Variants in RSF1 observed in about 807,000 individuals in gnomAD.
RSF1 encodes the protein remodeling and spacing factor 1, also known as HBV pX-associated protein 8.
Under a neutral mutation model 145.2 loss-of-function variants are expected in RSF1, and 13 were observed. The ratio of observed to expected loss-of-function variants is 0.09; its 90% confidence interval spans 0.06 to 0.14. The LOEUF (loss-of-function observed/expected upper bound fraction) is 0.14. Ranked by LOEUF, RSF1 falls within the 10% of genes least tolerant of loss-of-function variation. RSF1 has a pLI of 1.00. For synonymous variants in RSF1, 577 were observed against 592.6 expected, an observed-to-expected ratio of 0.97 and a Z score of 0.38; for missense variants, 1,517 against 1,718.2, an observed-to-expected ratio of 0.88 and a Z score of 2.07.
chr11:77,732,112 C>G (rs1382693571), intron 4 of RSF1, among the ~76,000 whole-genome samples: 1 of 152,222 alleles, frequency 6.6e-6, no homozygotes, highest in East Asian at 1.9e-4. Flanking sequence ...CGCAGCTGCC[C>G]AAGACCATGG....
the RSF1 span, among the ~76,000 whole-genome samples, chr11:77,835,105 A>G: frequency 6.6e-6 from 1 of 152,236 alleles, no homozygotes; most frequent in African/African-American, 2.4e-5. Flanking sequence ...ATTGCCTCTT[A>G]GAACAGATAG....
chr11:77,717,355 G>A (rs1271267933), intron 5 of RSF1, among the ~76,000 whole-genome samples: 4 of 152,106 alleles, frequency 2.6e-5, no homozygotes, highest in African/African-American at 7.2e-5. Context: ...GTGGTTCCTG[G>A]ACCCTCTCAA....
At chr11:77,847,877 C>T in the RSF1 span, among the ~76,000 whole-genome samples, 4 of 152,130 alleles carry the variant, frequency 2.6e-5, no homozygotes, top group African/African-American at 4.8e-5. Context: ...GTCCTAAAAA[C>T]CCCGGGAGCT....
At chr11:77,836,130 T>G in the RSF1 span, among the ~76,000 whole-genome samples, 1 of 152,124 alleles carries the variant, frequency 6.6e-6, no homozygotes, top group African/African-American at 2.4e-5. Flanking sequence ...CCAATAAATA[T>G]TCCTTTTTTT....
At position 77,698,514 on chromosome 11, in the gene RSF1, T is replaced by C. The variant is rs545303143; in HGVS notation, c.2688A>G (p.Lys896=). 9.3e-6 allele frequency: 15 copies of C among 1,614,006 alleles called. No homozygotes were observed. The highest frequency in any genetic ancestry group is 1.7e-5 in the Admixed American group (1 of 60,002). The change falls in exon 7 of 16, where the codon AAA becomes AAG. Residue 896 remains lysine (K), a synonymous_variant. Transcript: ENST00000308488. ...GCTCAGGATGGTTTGGAAGGCCACA[T>C]TTTTTGCATGGTTCATCATCATCTG... ...ILADDDEPCK[K]CGLPNHPELI...
intron 4 of RSF1, among the ~76,000 whole-genome samples, chr11:77,733,498 C>T (rs1961259633): frequency 1.3e-5 from 2 of 151,614 alleles, no homozygotes; most frequent in South Asian, 4.2e-4. Flanking sequence ...TCTTTATTTG[C>T]TAAAATTCTC....
At chr11:77,848,616 T>C in the RSF1 span, among the ~76,000 whole-genome samples, 8 of 152,150 alleles carry the variant, frequency 5.3e-5, no homozygotes, top group African/African-American at 1.9e-4. Context: ...TGCTTTGACC[T>C]CCCAAAGTGC....
chr11:77,685,659 C>T (rs1185011728), intron 9 of RSF1, among the ~76,000 whole-genome samples: 6 of 152,046 alleles, frequency 3.9e-5, no homozygotes, highest in Non-Finnish European at 7.4e-5. Context: ...TCAACATTTC[C>T]TAGGGTTAAG....
chr11:77,736,483 A>G (rs1198517114), intron 4 of RSF1, among the ~76,000 whole-genome samples: 1 of 152,180 alleles, frequency 6.6e-6, no homozygotes, highest in South Asian at 2.1e-4. Flanking sequence ...GATGCCCCAC[A>G]TTATTTTAGG....
chr11:77,864,752 G>C, the RSF1 span, among the ~76,000 whole-genome samples: 9 of 152,178 alleles, frequency 5.9e-5, no homozygotes, highest in African/African-American at 1.9e-4. Context: ...ACCAAGATGG[G>C]AGGATTGTTT....
At chr11:77,703,589 G>C (rs906760634) in intron 5 of RSF1, 1 of 152,116 alleles carries the variant, frequency 6.6e-6, no homozygotes, top group Non-Finnish European at 1.5e-5. Flanking sequence ...GATAAAGCAG[G>C]ATATGTTTTT....
chr11:77,799,086 C>G (rs1298183737), intron 1 of RSF1, among the ~76,000 whole-genome samples: 1 of 151,784 alleles, frequency 6.6e-6, no homozygotes, highest in African/African-American at 2.4e-5. Context: ...TGTGAAGACA[C>G]AACCTCTTGA....
At chr11:77,868,822 C>A in the RSF1 span, 1 of 211,542 alleles carries the variant, frequency 4.7e-6, no homozygotes, top group Non-Finnish European at 1.0e-5. Flanking sequence ...AATTTGAACC[C>A]GGGTACCTTT....
At chr11:77,766,773 A>G (rs943203773) in intron 1 of RSF1, among the ~76,000 whole-genome samples, 1 of 152,174 alleles carries the variant, frequency 6.6e-6, no homozygotes, top group Admixed American at 6.5e-5. Context: ...ATTTTAGAAG[A>G]CCTTAATGAT....
chr11:77,756,507 A>G (rs1444521115), intron 2 of RSF1, among the ~76,000 whole-genome samples: 2 of 152,158 alleles, frequency 1.3e-5, no homozygotes, highest in African/African-American at 4.8e-5. Flanking sequence ...AATTCCACAA[A>G]CATTTACTAT....
chr11:77,736,381 T>C (rs754003708), intron 4 of RSF1, among the ~76,000 whole-genome samples: 1 of 152,248 alleles, frequency 6.6e-6, no homozygotes, highest in African/African-American at 2.4e-5. Flanking sequence ...GTTCCCATAA[T>C]GGACTTTACT....
At chr11:77,797,291 T>C (rs1025391642) in intron 1 of RSF1, among the ~76,000 whole-genome samples, 9 of 152,136 alleles carry the variant, frequency 5.9e-5, no homozygotes, top group Admixed American at 3.9e-4. Context: ...CACAACAGCA[T>C]TGGTACTGGT....
the RSF1 span, among the ~76,000 whole-genome samples, chr11:77,846,165 G>A: frequency 6.6e-6 from 1 of 152,016 alleles, no homozygotes; most frequent in Admixed American, 6.6e-5. Flanking sequence ...TGGCTTCTGA[G>A]GTCTGCTAAT....
At chr11:77,711,291 T>G (rs1432874408) in intron 5 of RSF1, among the ~76,000 whole-genome samples, 1 of 152,196 alleles carries the variant, frequency 6.6e-6, no homozygotes. Context: ...GATATCATAC[T>G]ATTTTGTCTC....
Sources: gnomAD v4.1 joint callset for allele counts (sites outside exome capture counted in the v4.1 genomes callset) on GRCh38, gnomAD v4.1.1 for gene constraint, MANE v1.5 for transcripts, NCBI Gene and HGNC (gene_info 2026-07-23, HGNC 2026-07-21) for gene names.